LHFPL2: variants seen among roughly 807,000 people sequenced by gnomAD.
LHFPL2 encodes LHFPL tetraspan subfamily member 2.
Under a neutral mutation model 17.5 loss-of-function variants are expected in LHFPL2, and 7 were observed. The ratio of observed to expected loss-of-function variants is 0.40; its 90% confidence interval spans 0.23 to 0.75. The LOEUF (loss-of-function observed/expected upper bound fraction) is 0.75. Among genes scored for constraint, LHFPL2 ranks in the 30% least tolerant of loss-of-function variants. LHFPL2 has a pLI of 0.37. For synonymous variants in LHFPL2, 134 were observed against 116.2 expected, an observed-to-expected ratio of 1.15 and a Z score of -0.99; for missense variants, 241 against 294.8, an observed-to-expected ratio of 0.82 and a Z score of 1.34.
chr5:78,597,830 A>C (rs1332739747), intron 2 of LHFPL2, among the ~76,000 whole-genome samples: 2 of 152,190 alleles, frequency 1.3e-5, no homozygotes, highest in Non-Finnish European at 2.9e-5. Flanking sequence ...CATCATATGC[A>C]CTGAATTAGT....
chr5:78,640,381 G>A (rs529880900), intron 1 of LHFPL2, among the ~76,000 whole-genome samples: 1 of 152,312 alleles, frequency 6.6e-6, no homozygotes, highest in Non-Finnish European at 1.5e-5. Context: ...AGAGGAAGCT[G>A]CCCCATTCTG....
intron 4 of LHFPL2, among the ~76,000 whole-genome samples, chr5:78,496,803 CCTT>C (rs1754621474): frequency 6.6e-6 from 1 of 152,192 alleles, no homozygotes; most frequent in Admixed American, 6.5e-5. Context: ...ACTGGCTTTT[CCTT>C]CTTGGTGTTC....
chr5:78,622,667 A>G (rs1228426022), intron 2 of LHFPL2, among the ~76,000 whole-genome samples: 1 of 152,196 alleles, frequency 6.6e-6, no homozygotes, highest in Non-Finnish European at 1.5e-5. Flanking sequence ...GAACCTGACA[A>G]GTCTCTCTAA....
At chr5:78,557,008 T>G (rs950129332) in intron 3 of LHFPL2, among the ~76,000 whole-genome samples, 1 of 152,024 alleles carries the variant, frequency 6.6e-6, no homozygotes, top group Non-Finnish European at 1.5e-5. Context: ...GTGCACAACA[T>G]GCAGGTTTGT....
Position 78,639,896 on chromosome 5 carries a change from T to C in LHFPL2, c.-349-7528A>G, listed in dbSNP as rs1343582024. Among the ~76,000 whole-genome samples the C allele has an allele frequency of 2.6e-5, 4 of 152,238 alleles. 1 individual carries two copies. The highest frequency in any genetic ancestry group is 1.3e-4 in the Admixed American group (2 of 15,272). ...ATGCACCACTTATCTGAAGATTGAA[T>C]GAGGCTCCTGTGAATGCAATTACAG... On this transcript the variant is annotated intron_variant, in intron 1 of 4. Transcript: ENST00000380345.
At chr5:78,534,384 C>A (rs781714496) in intron 3 of LHFPL2, among the ~76,000 whole-genome samples, 2 of 152,216 alleles carry the variant, frequency 1.3e-5, no homozygotes, top group African/African-American at 2.4e-5. Context: ...CTCGAGCAGG[C>A]TGCACTGCTC....
intron 4 of LHFPL2, among the ~76,000 whole-genome samples, chr5:78,502,524 C>T (rs1283492247): frequency 6.6e-6 from 1 of 152,206 alleles, no homozygotes; most frequent in Non-Finnish European, 1.5e-5. Flanking sequence ...AACTGGCTTA[C>T]ATGCAACTGA....
At chr5:78,630,402 T>G (rs562324842) in intron 2 of LHFPL2, among the ~76,000 whole-genome samples, 60 of 152,298 alleles carry the variant, frequency 3.9e-4, no homozygotes, top group African/African-American at 1.3e-3. Context: ...TATTTTAACA[T>G]CTGGGCTTTT....
At chr5:78,545,713 G>T (rs1419394542) in intron 3 of LHFPL2, among the ~76,000 whole-genome samples, 2 of 152,190 alleles carry the variant, frequency 1.3e-5, no homozygotes, top group Non-Finnish European at 2.9e-5. Flanking sequence ...AAACCTAAGT[G>T]CCTGTTAAAT....
intron 3 of LHFPL2, among the ~76,000 whole-genome samples, chr5:78,560,077 G>A (rs778515183): frequency 6.6e-6 from 1 of 152,162 alleles, no homozygotes; most frequent in Non-Finnish European, 1.5e-5. Flanking sequence ...CAAGAAAAGC[G>A]GCCAGTGTCG....
intron 4 of LHFPL2, among the ~76,000 whole-genome samples, chr5:78,508,246 A>T (rs1017538475): frequency 1.3e-5 from 2 of 152,188 alleles, no homozygotes; most frequent in Non-Finnish European, 2.9e-5. Context: ...TGGTACATTT[A>T]TCTCAAGTGA....
chr5:78,565,352 T>C (rs1030326871), intron 2 of LHFPL2, among the ~76,000 whole-genome samples: 2 of 152,196 alleles, frequency 1.3e-5, no homozygotes, highest in African/African-American at 4.8e-5. Flanking sequence ...ATGTCAAGAC[T>C]GGGAAAGTGG....
At chr5:78,509,380 CTTAGCA>C (rs770825509) in intron 4 of LHFPL2, among the ~76,000 whole-genome samples, 403 of 152,344 alleles carry the variant, frequency 2.6e-3, no homozygotes, top group Non-Finnish European at 4.3e-3. Context: ...TTACATTCCT[CTTAGCA>C]TAAAGTGCTT....
chr5:78,531,557 G>A (rs912794243), intron 3 of LHFPL2, among the ~76,000 whole-genome samples: 1 of 151,948 alleles, frequency 6.6e-6, no homozygotes, highest in Non-Finnish European at 1.5e-5. Context: ...TTACCTTGAC[G>A]ATTGAGTTTC....
At position 78,533,896 on chromosome 5, in the gene LHFPL2, C is replaced by A. The variant is rs140417529; in HGVS notation, c.-185-23498G>T. ...ATTGCTCTAAGAAAGAAAAAAGATG[C>A]CAGAGATGCTATTAGTACAACAGAG... On this transcript the variant is annotated intron_variant, in intron 3 of 4. Transcript: ENST00000380345. Among the ~76,000 whole-genome samples the A allele has an allele frequency of 2.8e-3, 427 of 152,298 alleles. 3 individuals carry two copies. Among genetic ancestry groups the A allele is most frequent in the African/African-American group, 9.8e-3 (408 of 41,564 alleles).
At chr5:78,539,913 C>G (rs910567178) in intron 3 of LHFPL2, among the ~76,000 whole-genome samples, 4 of 151,894 alleles carry the variant, frequency 2.6e-5, no homozygotes, top group Admixed American at 2.0e-4. Flanking sequence ...ACAAATCTCT[C>G]CCTTCTCTGA....
chr5:78,610,817 T>C (rs1215920648), intron 2 of LHFPL2, among the ~76,000 whole-genome samples: 1 of 152,050 alleles, frequency 6.6e-6, no homozygotes, highest in African/African-American at 2.4e-5. Flanking sequence ...GAATCATTGC[T>C]GATCCATTTG....
chr5:78,572,886 G>A (rs954195035), intron 2 of LHFPL2, among the ~76,000 whole-genome samples: 2 of 152,126 alleles, frequency 1.3e-5, no homozygotes, highest in African/African-American at 4.8e-5. Flanking sequence ...TAGATCATCA[G>A]GCATTAGATT....
At chr5:78,544,039 G>A (rs1055214521) in intron 3 of LHFPL2, among the ~76,000 whole-genome samples, 1 of 152,180 alleles carries the variant, frequency 6.6e-6, no homozygotes, top group Admixed American at 6.5e-5. Flanking sequence ...CTCTAGTGAA[G>A]GGCACTGAGG....
Sources: allele counts gnomAD v4.1 joint callset (sites outside exome capture counted in the v4.1 genomes callset), GRCh38; gene constraint gnomAD v4.1.1; transcripts MANE v1.5; gene names NCBI Gene and HGNC (gene_info 2026-07-23, HGNC 2026-07-21).